Variants in MED30 observed in about 807,000 individuals in gnomAD.
The protein encoded by MED30 is mediator complex subunit 30.
MED30 carries 8 observed loss-of-function variants against 21.7 expected under a neutral mutation model. The ratio of observed to expected loss-of-function variants is 0.37; its 90% confidence interval spans 0.22 to 0.67. The LOEUF is 0.67. Ranked by LOEUF, MED30 falls within the 30% of genes least tolerant of loss-of-function variation. The probability of loss-of-function intolerance (pLI) is 0.58; values close to 1 mark genes in which losing one functional copy is unlikely to be tolerated. For missense variants in MED30, 203 were observed against 228.2 expected, an observed-to-expected ratio of 0.89 and a Z score of 0.71; for synonymous variants, 79 against 86.7, an observed-to-expected ratio of 0.91 and a Z score of 0.49.
At chr8:117,536,587 C>T (rs1818881873) in intron 3 of MED30, among the ~76,000 whole-genome samples, 1 of 152,138 alleles carries the variant, frequency 6.6e-6, no homozygotes, top group Non-Finnish European at 1.5e-5. Flanking sequence ...TCTAACAATA[C>T]AAAAACCACC....
At position 117,539,930 on chromosome 8, in the gene MED30, A is replaced by C. The variant is rs778252928; in HGVS notation, c.489A>C (p.Leu163Phe). 7.5e-6 allele frequency: 12 copies of C among 1,609,466 alleles called. No individual in the cohort carries two copies. The Admixed American group carries it at 1.3e-4, about 18-fold the overall frequency. ...NQQLKQIMDQ[L>F]RNLIWDINAM... ...AGCTGAAACAAATTATGGATCAATT[A>C]CGAAATCTCATCTGGGATATAAATG... The change falls in exon 4 of 4, where the codon TTA becomes TTC. Residue 163 changes from leucine to phenylalanine, a missense_variant. Leu to Phe is a conservative substitution (Grantham distance 22, BLOSUM62 0). Transcript: ENST00000297347.
At chr8:117,528,601 G>A in intron 1 of MED30, 50 bp from the exon 2 acceptor site, 1 of 1,477,724 alleles carries the variant, frequency 6.8e-7, no homozygotes, top group Non-Finnish European at 9.1e-7. Flanking sequence ...AGAAAATCTT[G>A]ATTTTTTTTT....
At position 117,523,793 on chromosome 8, in the gene MED30, G is replaced by C. The variant is rs1050252498; in HGVS notation, c.177+2740G>C. 87 of 730,614 alleles carry C rather than the reference G, an allele frequency of 1.2e-4. 3 individuals carry two copies. In the South Asian group the frequency reaches 1.6e-3, roughly 13 times the overall value. The allele number at this position is 730,614 out of a possible 1,614,324, so 45.3% of individuals were successfully genotyped here. The stretch of plus-strand genomic sequence containing the variant: ...AGAGGCCGAGGTGGGCGGATCACGA[G>C]GTCAGGAATTCGAGACCAGCCTAGC... On this transcript the variant is annotated intron_variant, in intron 1 of 3. Transcript: ENST00000297347.
At chr8:117,523,266 C>G in intron 1 of MED30, 4 of 1,059,188 alleles carry the variant, frequency 3.8e-6, no homozygotes, top group Non-Finnish European at 5.7e-6. Flanking sequence ...TCCAATTTTA[C>G]TGAGGTGGCT....
At chr8:117,533,660 A>G (rs1818822521) in intron 3 of MED30, among the ~76,000 whole-genome samples, 1 of 152,238 alleles carries the variant, frequency 6.6e-6, no homozygotes, top group East Asian at 1.9e-4. Context: ...TTTTTTATGC[A>G]TCTATGACAA....
chr8:117,520,738 C>G lies in MED30; in HGVS notation c.-139C>G, dbSNP rs911079500. 19 of 817,090 alleles carry G rather than the reference C, an allele frequency of 2.3e-5. No individual in the cohort carries two copies. In the African/African-American group the frequency reaches 2.7e-4, roughly 12 times the overall value. 50.6% of individuals were successfully genotyped at this position (817,090 alleles called of 1,614,324 possible). On this transcript the variant is annotated 5_prime_UTR_variant, in exon 1 of 4. Transcript: ENST00000297347. ...GTGTTACGTCACAGTGGGCGGAAGT[C>G]GCGGCCGCTGTTTTGAAATCGGGCC...
rs1222828883 is a variant in MED30, at chr8:117,538,426, A to G, written c.442-1457A>G. Reference sequence around the variant, plus strand: ...AGTTTCTTGGTCTTTCCTTTTAGCCACCTATTTCTTGTTACTTCCCTAACT... The same window carrying G: ...AGTTTCTTGGTCTTTCCTTTTAGCCGCCTATTTCTTGTTACTTCCCTAACT... On this transcript the variant is annotated intron_variant, in intron 3 of 3. Transcript: ENST00000297347. 2.0e-5 allele frequency among the ~76,000 whole-genome samples: 3 copies of G among 152,186 alleles called. No homozygotes were observed. The South Asian group carries it at 6.2e-4, about 32-fold the overall frequency.
chr8:117,528,470 G>C (rs1818750953), intron 1 of MED30, among the ~76,000 whole-genome samples, 181 bp from the exon 2 acceptor site: 1 of 151,918 alleles, frequency 6.6e-6, no homozygotes, highest in African/African-American at 2.4e-5. Flanking sequence ...GGTATGCCAA[G>C]TTGTTAATAA....
At chr8:117,523,958 G>A in intron 1 of MED30, 1 of 290,112 alleles carries the variant, frequency 3.4e-6, no homozygotes, top group Non-Finnish European at 6.7e-6. Context: ...AGTGAGCCGA[G>A]AGATCGCGCC....
intron 3 of MED30, among the ~76,000 whole-genome samples, chr8:117,531,582 G>A (rs1263329597): frequency 1.3e-5 from 2 of 151,934 alleles, no homozygotes; most frequent in African/African-American, 4.8e-5. Flanking sequence ...AATACATGAT[G>A]TCAGTAAACT....
chr8:117,540,067 G>T lies in MED30; in HGVS notation c.*89G>T. 1.5e-5 allele frequency: 10 copies of T among 659,226 alleles called. No homozygotes were observed. Among genetic ancestry groups the T allele is most frequent in the South Asian group, 5.1e-5 (2 of 39,226 alleles). The allele number at this position is 659,226 out of a possible 1,614,324, so 40.8% of individuals were successfully genotyped here. A position where few individuals can be genotyped will look rare whatever the true frequency, so the allele number is the denominator to read the frequency against. ...TCCCTGTGAAGAAGATTATTTATCT[G>T]CTTTTATTTTAGTCACTAAAACTAA... On this transcript the variant is annotated 3_prime_UTR_variant, in exon 4 of 4. Transcript: ENST00000297347.
Position 117,520,860 on chromosome 8 carries a change from G to A in MED30, c.-17G>A, listed in dbSNP as rs774095789. On this transcript the variant is annotated 5_prime_UTR_variant, in exon 1 of 4. Transcript: ENST00000297347. ...CCTGCTGTCTGGCCCCTTCCGGCCTGAAGCTGCAGCCGCGCCATGTCCACC... is the reference window on the plus strand; with the variant it reads ...CCTGCTGTCTGGCCCCTTCCGGCCTAAAGCTGCAGCCGCGCCATGTCCACC... 4 of 1,571,492 alleles carry A rather than the reference G, an allele frequency of 2.5e-6. No individual in the cohort carries two copies. The Admixed American group carries it at 7.4e-5, about 29-fold the overall frequency.
In MED30 at chr8:117,520,931, C is replaced by CCCCA; in HGVS notation, c.56_59dup (p.Gln20HisfsTer63). ...GATGGCGCCCGGGCCCTTCGCCGGG[C>CCCCA]CCCAGGCTCAGCAGGCCGCCCGGGA... is the stretch of plus-strand genomic sequence containing the variant. On this transcript the variant is annotated frameshift_variant, in exon 1 of 4. Transcript: ENST00000297347. LOFTEE classifies it high-confidence loss of function. 6.2e-7 allele frequency: 1 copy of CCCCA among 1,611,250 alleles called. No homozygotes were observed. The highest frequency in any genetic ancestry group is 8.5e-7 in the Non-Finnish European group (1 of 1,178,898).
Position 117,528,773 on chromosome 8 carries a change from T to C in MED30, c.300T>C (p.Asn100=), listed in dbSNP as rs1315394537. The C allele has an allele frequency of 1.2e-6, 2 of 1,607,378 alleles. No individual in the cohort carries two copies. The highest frequency in any genetic ancestry group is 1.7e-6 in the Non-Finnish European group (2 of 1,177,388). Residue 100 remains asparagine, a synonymous_variant, in exon 2 of 4, where the codon AAT becomes AAC. Transcript: ENST00000297347. ...RKLRLVYDKC[N]ENCGGMDPIP... ...TGAGATTGGTATATGACAAATGCAA[T>C]GAAAACTGTGGTGGGATGGATCCCA... is the stretch of plus-strand genomic sequence containing the variant.
chr8:117,531,087 T>A (rs73312477), intron 3 of MED30, among the ~76,000 whole-genome samples: 2,904 of 152,114 alleles, frequency 0.019, 59 homozygotes, highest in Admixed American at 0.046. Context: ...ATCCATTTAC[T>A]TTTTTCTTTT....
At chr8:117,530,102 T>C (rs1190750442) in intron 2 of MED30, among the ~76,000 whole-genome samples, 1 of 152,026 alleles carries the variant, frequency 6.6e-6, no homozygotes, top group African/African-American at 2.4e-5. Flanking sequence ...TAACCATGCA[T>C]ACTTAATTAC....
Position 117,520,723 on chromosome 8 carries a change from A to G in MED30, c.-154A>G, listed in dbSNP as rs1818591671. The stretch of plus-strand genomic sequence containing the variant: ...ATGACGTTTTCTGACGTGTTACGTC[A>G]CAGTGGGCGGAAGTCGCGGCCGCTG... On this transcript the variant is annotated 5_prime_UTR_variant, in exon 1 of 4. Coordinates refer to ENST00000297347, the MANE Select transcript of MED30 (RefSeq NM_080651.4). The G allele has an allele frequency of 1.4e-5, 10 of 703,950 alleles. No individual in the cohort carries two copies. Among genetic ancestry groups the G allele is most frequent in the Non-Finnish European group, 2.3e-5 (10 of 439,786 alleles). 43.6% of individuals were successfully genotyped at this position (703,950 alleles called of 1,614,324 possible). A position where few individuals can be genotyped will look rare whatever the true frequency, so the allele number is the denominator to read the frequency against.
chr8:117,524,937 G>C (rs571058558), intron 1 of MED30, among the ~76,000 whole-genome samples: 1 of 151,956 alleles, frequency 6.6e-6, no homozygotes, highest in African/African-American at 2.4e-5. Flanking sequence ...CCTTTTTATA[G>C]TGTATAGTTT....
intron 1 of MED30, chr8:117,523,626 G>A (rs1385846831): frequency 4.4e-6 from 7 of 1,599,870 alleles, no homozygotes; most frequent in Non-Finnish European, 6.0e-6. Context: ...TGGCCTTCAT[G>A]ACATGAAGGT....
Sources: allele counts gnomAD v4.1 joint callset (sites outside exome capture counted in the v4.1 genomes callset), GRCh38; gene constraint gnomAD v4.1.1; transcripts MANE v1.5; gene names NCBI Gene and HGNC (gene_info 2026-07-23, HGNC 2026-07-21).